Variants in DEDD2 observed in about 807,000 individuals in gnomAD.
The protein encoded by DEDD2 is death effector domain containing 2, also known as DNA-binding death effector domain-containing protein 2.
DEDD2 carries 18 observed loss-of-function variants against 28.9 expected under a neutral mutation model. The ratio of observed to expected loss-of-function variants is 0.62; its 90% confidence interval spans 0.43 to 0.92. The LOEUF (loss-of-function observed/expected upper bound fraction) is 0.92, where lower values mean the gene tolerates loss of function less well. DEDD2 is among the 40% of genes least tolerant of loss of function. The pLI is 0.00. For missense variants in DEDD2, 411 were observed against 463.3 expected (o/e 0.89, Z 1.04); for synonymous variants, 211 against 206.1 (o/e 1.02, Z -0.20).
At chr19:42,203,819 G>C (rs1356072127) in intron 4 of DEDD2, among the ~76,000 whole-genome samples, 4 of 152,234 alleles carry the variant, frequency 2.6e-5, no homozygotes, top group African/African-American at 9.6e-5. Context: ...AGCAGGCAGG[G>C]GAAGGGTCAC....
intron 3 of DEDD2, among the ~76,000 whole-genome samples, chr19:42,211,410 AG>A (rs1475365385): frequency 4.1e-5 from 5 of 122,640 alleles, no homozygotes; most frequent in African/African-American, 1.6e-4. Flanking sequence ...AAAGGAAGGA[AG>A]GAAGGGAGAG....
In DEDD2 at chr19:42,209,830, T is replaced by G. The variant is rs2035682767; in HGVS notation, c.459A>C (p.Pro153=). ...CCCGACTCCGCCGCTGCCGCTTGGTTGGGGGGGAGCCTGAGGGGAAAAAAA... is the reference window on the plus strand; with the variant it reads ...CCCGACTCCGCCGCTGCCGCTTGGTGGGGGGGGAGCCTGAGGGGAAAAAAA... ...QQGQWETGSP[P]TKRQRRSRGR... is the part of the protein sequence containing the mutation. The change falls in exon 4 of 5, where the codon CCA becomes CCC. Residue 153 remains proline (P), a synonymous_variant. Coordinates refer to ENST00000596251, the MANE Select transcript of DEDD2 (RefSeq NM_133328.4). The G allele has an allele frequency of 6.5e-7, 1 of 1,540,840 alleles. No individual in the cohort carries two copies. The highest frequency in any genetic ancestry group is 2.5e-5 in the East Asian group (1 of 40,440).
At position 42,208,684 on chromosome 19, in the gene DEDD2, C is replaced by CA. The variant is rs571195934; in HGVS notation, c.589+1015dup. ...CCAGCCTGGCTCCTCCACCTGCTCC[C>CA]ACCCTCTCTTGGTGGCACTTATCAT... On this transcript the variant is annotated intron_variant, in intron 4 of 4. Transcript: ENST00000596251. Among the ~76,000 whole-genome samples the CA allele has an allele frequency of 2.0e-4, 30 of 152,344 alleles. No homozygotes were observed. The East Asian group carries it at 5.4e-3, about 27-fold the overall frequency.
Position 42,204,754 on chromosome 19 carries a change from CCCCCG to C in DEDD2, c.590-4930_590-4926del, listed in dbSNP as rs2035462527. 4.8e-5 allele frequency among the ~76,000 whole-genome samples: 7 copies of C among 146,720 alleles called. No homozygotes were observed. In the South Asian group the frequency reaches 1.5e-3, roughly 32 times the overall value. On this transcript the variant is annotated intron_variant, in intron 4 of 4. Coordinates refer to ENST00000596251, the MANE Select transcript of DEDD2 (RefSeq NM_133328.4). ...AAGGTGCTTCAGTGGAGAGACCCCA[CCCCCG>C]CCCCGCCCCCACACCAGGACCAGCA... is the stretch of plus-strand genomic sequence containing the variant.
chr19:42,210,596 GT>G, intron 3 of DEDD2, among the ~76,000 whole-genome samples: 1 of 152,026 alleles, frequency 6.6e-6, no homozygotes, highest in African/African-American at 2.4e-5. Flanking sequence ...GTTTCACCAT[GT>G]TGGCCAGGCT....
chr19:42,200,518 G>T (rs773996720), intron 4 of DEDD2, among the ~76,000 whole-genome samples: 1 of 152,230 alleles, frequency 6.6e-6, no homozygotes, highest in Non-Finnish European at 1.5e-5. Context: ...CCAGCACTGC[G>T]GATGCGCAGG....
In DEDD2 at chr19:42,209,830, T is replaced by TG. The variant is rs758890887; in HGVS notation, c.458dup (p.Thr154AsnfsTer38). Reference sequence around the variant, plus strand: ...CCCGACTCCGCCGCTGCCGCTTGGTTGGGGGGGAGCCTGAGGGGAAAAAAA... The same window carrying TG: ...CCCGACTCCGCCGCTGCCGCTTGGTTGGGGGGGGAGCCTGAGGGGAAAAAAA... On this transcript the variant is annotated frameshift_variant, in exon 4 of 5. Coordinates refer to ENST00000596251, the MANE Select transcript of DEDD2 (RefSeq NM_133328.4). LOFTEE classifies it high-confidence loss of function. The TG allele has an allele frequency of 1.2e-5, 19 of 1,540,812 alleles. No individual in the cohort carries two copies. Among genetic ancestry groups the TG allele is most frequent in the Admixed American group, 4.1e-5 (2 of 48,736 alleles).
intron 2 of DEDD2, 31 bp downstream of exon 2, chr19:42,216,649 G>C (rs930616929): frequency 2.0e-6 from 3 of 1,519,894 alleles, no homozygotes; most frequent in Non-Finnish European, 2.6e-6. Flanking sequence ...TTTCCTCCCA[G>C]GAAGTGTGAC....
intron 3 of DEDD2, among the ~76,000 whole-genome samples, chr19:42,213,277 A>G (rs761782300): frequency 6.6e-6 from 1 of 152,196 alleles, no homozygotes; most frequent in African/African-American, 2.4e-5. Flanking sequence ...GAGAAAGAAA[A>G]AAGAAAAAGA....
rs551030659 is a variant in DEDD2, at chr19:42,217,143, G to A, written c.-38-98C>T. The A allele has an allele frequency of 5.3e-6, 5 of 939,868 alleles. No homozygotes were observed. In the South Asian group the frequency reaches 7.8e-5, roughly 15 times the overall value. The allele number at this position is 939,868 out of a possible 1,614,324, so 58.2% of individuals were successfully genotyped here. A position where few individuals can be genotyped will look rare whatever the true frequency, so the allele number is the denominator to read the frequency against. On this transcript the variant is annotated intron_variant, in intron 1 of 4. Transcript: ENST00000596251. ...CTCCCCCGCCCAATCGCGCCGGGCAGGGCCGCTCCCGCACCCCCAACCGCC... is the reference window on the plus strand; with the variant it reads ...CTCCCCCGCCCAATCGCGCCGGGCAAGGCCGCTCCCGCACCCCCAACCGCC...
At chr19:42,216,188 C>T (rs1296210507) in intron 2 of DEDD2, among the ~76,000 whole-genome samples, 1 of 152,242 alleles carries the variant, frequency 6.6e-6, no homozygotes, top group East Asian at 1.9e-4. Context: ...ACAACAGCGT[C>T]TAAAAATAAG....
chr19:42,212,164 G>C (rs572385378), intron 3 of DEDD2, among the ~76,000 whole-genome samples: 7 of 151,948 alleles, frequency 4.6e-5, no homozygotes, highest in Non-Finnish European at 1.0e-4. Context: ...TCAGGAGTTC[G>C]AGACTAGCCT....
chr19:42,205,916 T>C (rs1429850582), intron 4 of DEDD2, among the ~76,000 whole-genome samples: 1 of 151,876 alleles, frequency 6.6e-6, no homozygotes, highest in African/African-American at 2.4e-5. Flanking sequence ...AGATCCTGCC[T>C]CTAAAAAAAC....
At chr19:42,215,277 A>G (rs367983291) in intron 2 of DEDD2, 25 bp from the exon 3 acceptor site, 2 of 1,612,358 alleles carry the variant, frequency 1.2e-6, no homozygotes, top group African/African-American at 2.7e-5. Context: ...GAACAGGAAG[A>G]AGCATTCAGC....
At chr19:42,211,127 GT>G (rs1449253463) in intron 3 of DEDD2, among the ~76,000 whole-genome samples, 3 of 151,720 alleles carry the variant, frequency 2.0e-5, no homozygotes, top group African/African-American at 7.3e-5. Context: ...CTGGTCGGAT[GT>G]TGTGGTTCAT....
At chr19:42,213,459 C>T (rs1433539107) in intron 3 of DEDD2, among the ~76,000 whole-genome samples, 1 of 152,148 alleles carries the variant, frequency 6.6e-6, no homozygotes, top group Non-Finnish European at 1.5e-5. Flanking sequence ...AATGGACAAA[C>T]ATGGCAGATA....
At position 42,216,747 on chromosome 19, in the gene DEDD2, C is replaced by T. The variant is rs943889303; in HGVS notation, c.261G>A (p.Gly87=). 4 of 1,593,330 alleles carry T rather than the reference C, an allele frequency of 2.5e-6. No individual in the cohort carries two copies. The highest frequency in any genetic ancestry group is 3.4e-6 in the Non-Finnish European group (4 of 1,171,696). Residue 87 remains glycine, a synonymous_variant, in exon 2 of 5, where the codon GGG becomes GGA. Transcript: ENST00000596251. ...QCDESNLRLL[G]QLLRVLARHD... ...GGCGGGCCAGCACGCGCAGGAGTTG[C>T]CCCAGCAGCCGCAGGTTGCTCTCGT...
rs1335594784 is a variant in DEDD2, at chr19:42,199,754, G to A, written c.665C>T (p.Pro222Leu). The A allele has an allele frequency of 2.5e-6, 4 of 1,612,346 alleles. No homozygotes were observed. The highest frequency in any genetic ancestry group is 1.7e-6 in the Non-Finnish European group (2 of 1,179,216). ...GTCCAGCTGCCGCGCCAGCGCCTGG[G>A]GCCGCCGGGATGCCACGCCCTGCTC... ...ALEQGVASRRPQALARQLDVF... is the reference protein window; with the variant it reads ...ALEQGVASRRLQALARQLDVF... The change falls in exon 5 of 5, where the codon CCC (proline) becomes CTC (leucine). Residue 222 changes from proline to leucine, a missense_variant. Around this residue, in one of 2 missense-constraint regions of DEDD2, gnomAD observed 129 missense variants for 189.9 expected, o/e 0.68. Coordinates refer to ENST00000596251, the MANE Select transcript of DEDD2 (RefSeq NM_133328.4). The surrounding 1 kb of genome is among the most constrained non-coding windows in gnomAD (Gnocchi z 7.4).
At chr19:42,217,956 C>G (rs567748291), upstream of DEDD2, among the ~76,000 whole-genome samples, 1 of 152,204 alleles carries the variant, frequency 6.6e-6, no homozygotes, top group Non-Finnish European at 1.5e-5. Context: ...CTCAAGCCAC[C>G]GGGGCCATGT....
Sources: allele counts gnomAD v4.1 joint callset (sites outside exome capture counted in the v4.1 genomes callset), GRCh38; gene constraint gnomAD v4.1.1; regional missense constraint gnomAD v4.1.1; non-coding constraint Gnocchi (gnomAD v3.1); transcripts MANE v1.5; gene names NCBI Gene and HGNC (gene_info 2026-07-23, HGNC 2026-07-21).